FYTTD1: variants seen among roughly 807,000 people sequenced by gnomAD.
FYTTD1 encodes the protein UAP56-interacting factor.
FYTTD1 carries 22 observed loss-of-function variants against 40.9 expected under a neutral mutation model. The ratio of observed to expected loss-of-function variants is 0.54; its 90% CI spans 0.38 to 0.77. FYTTD1 has a LOEUF of 0.77. FYTTD1 is among the 30% of genes least tolerant of loss of function. The probability of loss-of-function intolerance (pLI) is 0.00; values close to 1 mark genes in which losing one functional copy is unlikely to be tolerated. For synonymous variants in FYTTD1, 140 were observed against 137.9 expected, an observed-to-expected ratio of 1.01 and a Z score of -0.10; for missense variants, 351 against 392.2, an observed-to-expected ratio of 0.90 and a Z score of 0.89.
chr3:197,773,827 T>C (rs1482228514), intron 5 of FYTTD1, among the ~76,000 whole-genome samples: 2 of 144,212 alleles, frequency 1.4e-5, no homozygotes, highest in Non-Finnish European at 2.9e-5. Context: ...CCCACTGGGT[T>C]AGGAAGTTCT....
chr3:197,776,529 G>A (rs1729881009), intron 6 of FYTTD1, among the ~76,000 whole-genome samples: 1 of 146,392 alleles, frequency 6.8e-6, no homozygotes, highest in South Asian at 2.2e-4. Context: ...CTGCAGCAAG[G>A]TTTTTTTTTT....
intron 1 of FYTTD1, chr3:197,755,609 C>CTAAT (rs748878835): frequency 1.5e-4 from 31 of 205,192 alleles, no homozygotes; most frequent in Admixed American, 6.1e-4. Flanking sequence ...CCATACCCGG[C>CTAAT]TAATTTATTT....
intron 1 of FYTTD1, among the ~76,000 whole-genome samples, chr3:197,753,144 A>G (rs1315996128): frequency 1.3e-5 from 2 of 152,060 alleles, no homozygotes; most frequent in Admixed American, 1.3e-4. Flanking sequence ...GGATGAAGAG[A>G]TCATCCCATT....
chr3:197,772,903 C>T (rs1729759426), intron 4 of FYTTD1, among the ~76,000 whole-genome samples: 1 of 152,212 alleles, frequency 6.6e-6, no homozygotes, highest in Admixed American at 6.5e-5. Context: ...GCCATAATGC[C>T]TGGCCTCTAT....
chr3:197,769,749 G>A (rs1274641021), intron 3 of FYTTD1, among the ~76,000 whole-genome samples: 1 of 151,898 alleles, frequency 6.6e-6, no homozygotes, highest in African/African-American at 2.4e-5. Flanking sequence ...CATGTTTATA[G>A]AAATTATTCC....
At chr3:197,753,541 T>A (rs1729127915) in intron 1 of FYTTD1, among the ~76,000 whole-genome samples, 1 of 152,112 alleles carries the variant, frequency 6.6e-6, no homozygotes, top group Admixed American at 6.5e-5. Context: ...TTTTTTTTTT[T>A]TTAATTCTGA....
At chr3:197,750,855 G>A in intron 1 of FYTTD1, 2 of 985,406 alleles carry the variant, frequency 2.0e-6, no homozygotes, top group Non-Finnish European at 2.4e-6. Flanking sequence ...GCATCTGAGA[G>A]GGTGGCGTGG....
chr3:197,769,126 C>T (rs1161339141), intron 3 of FYTTD1, among the ~76,000 whole-genome samples: 7 of 142,716 alleles, frequency 4.9e-5, no homozygotes, highest in East Asian at 2.1e-4. Flanking sequence ...CTTGCTCTGT[C>T]GCCCAGGCTG....
intron 1 of FYTTD1, 51 bp from the exon 2 acceptor site, chr3:197,756,375 A>G: frequency 7.2e-7 from 1 of 1,380,112 alleles, no homozygotes; most frequent in Non-Finnish European, 1.0e-6. Flanking sequence ...AACGAAACTG[A>G]GTAATTGAGT....
rs563383588 is a variant in FYTTD1, at chr3:197,751,645, C to T, written c.103+1571C>T. Among the ~76,000 whole-genome samples, 439 of 151,102 alleles carry T rather than the reference C, an allele frequency of 2.9e-3. 2 individuals are homozygous for T. Among genetic ancestry groups the T allele is most frequent in the Non-Finnish European group, 5.2e-3 (351 of 67,792 alleles). On this transcript the variant is annotated intron_variant, in intron 1 of 8. Coordinates refer to ENST00000241502, the MANE Select transcript of FYTTD1 (RefSeq NM_032288.7). ...AGACCCTGTCTCCCCCCGCTCTCCC[C>T]CCCCGCAAAAAAGAGAGAGAAACCT...
At chr3:197,766,115 A>G (rs1357568758) in intron 2 of FYTTD1, among the ~76,000 whole-genome samples, 3 of 151,578 alleles carry the variant, frequency 2.0e-5, no homozygotes, top group African/African-American at 7.3e-5. Flanking sequence ...GTGAGCTGAG[A>G]TCATGCCATT....
chr3:197,776,400 T>A (rs1429612207), intron 6 of FYTTD1, among the ~76,000 whole-genome samples: 3 of 149,556 alleles, frequency 2.0e-5, no homozygotes, highest in Non-Finnish European at 4.5e-5. Flanking sequence ...TTTTTTTTTT[T>A]TTTTGGTAGA....
chr3:197,779,911 A>G (rs1729980457), intron 8 of FYTTD1, among the ~76,000 whole-genome samples: 2 of 135,886 alleles, frequency 1.5e-5, no homozygotes, highest in South Asian at 4.8e-4. Flanking sequence ...ACACACCACC[A>G]CACCTGGGGA....
At chr3:197,767,278 A>G (rs1729578669) in intron 2 of FYTTD1, among the ~76,000 whole-genome samples, 2 of 151,930 alleles carry the variant, frequency 1.3e-5, no homozygotes, top group African/African-American at 2.4e-5. Context: ...AGCTGGGACT[A>G]CAGGCACCCG....
intron 2 of FYTTD1, among the ~76,000 whole-genome samples, chr3:197,760,685 TG>T (rs2109040738): frequency 6.6e-6 from 1 of 151,554 alleles, no homozygotes; most frequent in South Asian, 2.1e-4. Flanking sequence ...TGTTCTTCAG[TG>T]GTATAATGTA....
chr3:197,749,587 G>C (rs934844662), upstream of FYTTD1: 2 of 1,252,720 alleles, frequency 1.6e-6, no homozygotes, highest in African/African-American at 3.1e-5. Context: ...TAGGGGACCT[G>C]TCTGCAGCAG....
At position 197,774,168 on chromosome 3, in the gene FYTTD1, C is replaced by G; in HGVS notation, c.614C>G (p.Thr205Arg). 6.2e-7 allele frequency: 1 copy of G among 1,613,810 alleles called. No homozygotes were observed. The highest frequency in any genetic ancestry group is 8.5e-7 in the Non-Finnish European group (1 of 1,179,720). Residue 205 changes from threonine (T) to arginine (R), a missense_variant, in exon 6 of 9, where the codon ACA becomes AGA. Coordinates refer to ENST00000241502, the MANE Select transcript of FYTTD1 (RefSeq NM_032288.7). ...RGLKVQAQLN[T>R]EQLLDDVVAK... ...CTTCAGGTGCAGGCCCAGTTGAATACAGAACAACTGCTAGACGATGTAGTA... is the reference window on the plus strand; with the variant it reads ...CTTCAGGTGCAGGCCCAGTTGAATAGAGAACAACTGCTAGACGATGTAGTA...
At chr3:197,771,963 T>C (rs1350240196) in intron 4 of FYTTD1, among the ~76,000 whole-genome samples, 1 of 149,940 alleles carries the variant, frequency 6.7e-6, no homozygotes, top group African/African-American at 2.5e-5. Context: ...ACGTGGTGGT[T>C]CATGCCTGTA....
chr3:197,752,969 G>C (rs1281156515), intron 1 of FYTTD1, among the ~76,000 whole-genome samples: 2 of 152,050 alleles, frequency 1.3e-5, no homozygotes, highest in Non-Finnish European at 2.9e-5. Context: ...TATGTGTTTT[G>C]TTTGATGATT....
Sources: allele counts gnomAD v4.1 joint callset (sites outside exome capture counted in the v4.1 genomes callset), GRCh38; gene constraint gnomAD v4.1.1; transcripts MANE v1.5; gene names NCBI Gene and HGNC (gene_info 2026-07-23, HGNC 2026-07-21).